ANXA10: variants seen among roughly 807,000 people sequenced by gnomAD.
ANXA10 encodes annexin 14.
In ANXA10, 49 loss-of-function variants were observed where a neutral mutation model predicts 53.5. The observed-to-expected ratio is 0.92, with a 90% CI of 0.73 to 1.16. ANXA10 has a LOEUF of 1.16. Among genes scored for constraint, ANXA10 ranks in the 50% most tolerant of loss-of-function variants. The pLI, the probability that ANXA10 is intolerant of heterozygous loss-of-function variation, is 0.00. For missense variants in ANXA10, 393 were observed against 394.4 expected, an observed-to-expected ratio of 1.00 and a Z score of 0.03; for synonymous variants, 131 against 128.9, an observed-to-expected ratio of 1.02 and a Z score of -0.11.
intron 1 of ANXA10, among the ~76,000 whole-genome samples, chr4:168,101,049 A>T (rs1730630507): frequency 6.6e-6 from 1 of 151,898 alleles, no homozygotes; most frequent in Non-Finnish European, 1.5e-5. Flanking sequence ...CCCGGTATTG[A>T]AGGTGGGGCC....
chr4:168,139,991 C>T (rs1731301304), intron 3 of ANXA10, among the ~76,000 whole-genome samples: 1 of 152,144 alleles, frequency 6.6e-6, no homozygotes, highest in African/African-American at 2.4e-5. Context: ...TCCTACAGTT[C>T]CTTGCAGGTC....
intron 1 of ANXA10, among the ~76,000 whole-genome samples, chr4:168,107,261 A>G (rs1170437036): frequency 6.6e-6 from 1 of 152,216 alleles, no homozygotes; most frequent in Non-Finnish European, 1.5e-5. Context: ...AAAGGGGGCA[A>G]CAGAGTAAAG....
At chr4:168,152,054 C>A (rs926044177) in intron 3 of ANXA10, among the ~76,000 whole-genome samples, 3 of 152,176 alleles carry the variant, frequency 2.0e-5, no homozygotes, top group African/African-American at 4.8e-5. Flanking sequence ...GGTGAAATAG[C>A]CGTGAAGAAA....
intron 2 of ANXA10, among the ~76,000 whole-genome samples, chr4:168,134,251 G>C (rs926622556): frequency 6.6e-6 from 1 of 151,938 alleles, no homozygotes; most frequent in Non-Finnish European, 1.5e-5. Context: ...TTTTAGAGAA[G>C]AAAAATCCTT....
chr4:168,163,017 A>G (rs1426491509), intron 4 of ANXA10, among the ~76,000 whole-genome samples: 1 of 152,220 alleles, frequency 6.6e-6, no homozygotes, highest in Non-Finnish European at 1.5e-5. Context: ...TTGTTACATT[A>G]TTTGTAAAAA....
chr4:168,132,166 C>T (rs1731165857), intron 2 of ANXA10, among the ~76,000 whole-genome samples: 1 of 152,102 alleles, frequency 6.6e-6, no homozygotes, highest in Non-Finnish European at 1.5e-5. Flanking sequence ...ATCAAAGACA[C>T]ATCTGCATTC....
intron 9 of ANXA10, among the ~76,000 whole-genome samples, chr4:168,180,146 C>T (rs1732213260): frequency 6.6e-6 from 1 of 152,040 alleles, no homozygotes; most frequent in Non-Finnish European, 1.5e-5. Flanking sequence ...AAGTCTCAAG[C>T]TAGGCTTCCA....
Position 168,173,444 on chromosome 4 carries a change from C to T in ANXA10, c.481-4296C>T, listed in dbSNP as rs1232362205. Among the ~76,000 whole-genome samples the T allele has an allele frequency of 4.6e-5, 7 of 152,096 alleles. No individual in the cohort carries two copies. In the South Asian group the frequency reaches 6.2e-4, roughly 14 times the overall value. Reference sequence around the variant, plus strand: ...CATTGCTGGGTCTTTAGTGAAGGAACGTGGTTTTATGCTTTAAAATATTCA... The same window carrying T: ...CATTGCTGGGTCTTTAGTGAAGGAATGTGGTTTTATGCTTTAAAATATTCA... On this transcript the variant is annotated intron_variant, in intron 6 of 11. Coordinates refer to ENST00000359299, the MANE Select transcript of ANXA10 (RefSeq NM_007193.5).
chr4:168,128,586 A>ATCTCTGTAAATTGGCCCAATCACT (rs1731109788), intron 2 of ANXA10, among the ~76,000 whole-genome samples: 1 of 152,088 alleles, frequency 6.6e-6, no homozygotes, highest in Non-Finnish European at 1.5e-5. Context: ...TGCTTTTCAC[A>ATCTCTGTAAATTGGCCCAATCACT]TCTCTGTAAA....
chr4:168,181,405 AAAG>A (rs1232742692), intron 9 of ANXA10, among the ~76,000 whole-genome samples: 6 of 151,970 alleles, frequency 3.9e-5, no homozygotes, highest in South Asian at 4.1e-4. Flanking sequence ...AAAAAAAAAA[AAAG>A]AAGATGATAA....
At chr4:168,122,139 C>T (rs961860971) in intron 1 of ANXA10, among the ~76,000 whole-genome samples, 3 of 152,170 alleles carry the variant, frequency 2.0e-5, no homozygotes, top group Non-Finnish European at 4.4e-5. Context: ...CGCCCCCGGC[C>T]AGTTTTTCAG....
At chr4:168,105,449 A>G (rs187202588) in intron 1 of ANXA10, among the ~76,000 whole-genome samples, 149 of 152,038 alleles carry the variant, frequency 9.8e-4, no homozygotes, top group South Asian at 2.5e-3. Context: ...ACACAATTTC[A>G]TTCTTCTTTA....
At chr4:168,167,365 CTTTG>C (rs1731899601) in intron 6 of ANXA10, among the ~76,000 whole-genome samples, 1 of 152,066 alleles carries the variant, frequency 6.6e-6, no homozygotes, top group Non-Finnish European at 1.5e-5. Context: ...GTAAAATAGG[CTTTG>C]TGTTAGATAA....
chr4:168,108,659 T>C (rs1276110836), intron 1 of ANXA10, among the ~76,000 whole-genome samples: 1 of 150,342 alleles, frequency 6.7e-6, no homozygotes, highest in Non-Finnish European at 1.5e-5. Context: ...TCACATCTTA[T>C]GTCCCAATAA....
At chr4:168,105,147 T>C (rs774644482) in intron 1 of ANXA10, among the ~76,000 whole-genome samples, 11 of 151,756 alleles carry the variant, frequency 7.2e-5, no homozygotes, top group Non-Finnish European at 7.4e-5. Context: ...CAGGAGTACA[T>C]GTGCAGGTTT....
chr4:168,185,271 A>G (rs1222411104), intron 11 of ANXA10, among the ~76,000 whole-genome samples: 1 of 152,242 alleles, frequency 6.6e-6, no homozygotes, highest in African/African-American at 2.4e-5. Flanking sequence ...CATTCTCTAT[A>G]ATTGTGCTTA....
intron 6 of ANXA10, among the ~76,000 whole-genome samples, chr4:168,167,406 G>A (rs1222140046): frequency 2.0e-5 from 3 of 152,180 alleles, no homozygotes; most frequent in Admixed American, 1.3e-4. Flanking sequence ...GCTACTGCAA[G>A]TGTTCTGAGC....
intron 3 of ANXA10, among the ~76,000 whole-genome samples, chr4:168,155,363 AATGT>A (rs1398552770): frequency 1.7e-5 from 2 of 116,680 alleles, no homozygotes; most frequent in African/African-American, 6.6e-5. Context: ...TATATTATAT[AATGT>A]ATTATATATT....
intron 3 of ANXA10, among the ~76,000 whole-genome samples, chr4:168,153,844 G>C (rs1936307489): frequency 6.6e-6 from 1 of 152,116 alleles, no homozygotes. Context: ...TGCACTGTGA[G>C]GATTCAAGCC....
Sources: gnomAD v4.1 joint callset for allele counts (sites outside exome capture counted in the v4.1 genomes callset) on GRCh38, gnomAD v4.1.1 for gene constraint, MANE v1.5 for transcripts, NCBI Gene and HGNC (gene_info 2026-07-23, HGNC 2026-07-21) for gene names.